The following ABHD16A variants were observed in gnomAD, a reference collection of about 807,000 sequenced individuals.
ABHD16A encodes the protein phosphatidylserine lipase ABHD16A.
Under a neutral mutation model 89.8 loss-of-function variants are expected in ABHD16A, and 47 were observed. The observed-to-expected ratio is 0.52, with a 90% CI of 0.41 to 0.67. The LOEUF (loss-of-function observed/expected upper bound fraction) is 0.67. ABHD16A is among the 30% of genes least tolerant of loss of function. The probability of loss-of-function intolerance (pLI) is 0.00; values close to 1 mark genes in which losing one functional copy is unlikely to be tolerated. For missense variants in ABHD16A, 580 were observed against 734.6 expected, an observed-to-expected ratio of 0.79 and a Z score of 2.43; for synonymous variants, 251 against 280.4, an observed-to-expected ratio of 0.90 and a Z score of 1.05.
chr6:31,687,509 C>T lies in ABHD16A; in HGVS notation c.1582G>A (p.Ala528Thr). The change falls in exon 19 of 20, where the codon GCT becomes ACT. Residue 528 changes from alanine (A) to threonine (T), a missense_variant. By Grantham distance (58) the Ala-to-Thr change is moderately conservative. Coordinates refer to ENST00000395952, the MANE Select transcript of ABHD16A (RefSeq NM_021160.3). The surrounding 1 kb of genome is among the most constrained non-coding windows in gnomAD (Gnocchi z 6.3). ...DMSADGRRQL[A>T]LFLARKHLHN... is the part of the protein sequence containing the mutation. ...ACTCCTTAGCTCACCAGAAACAAAG[C>T]CAGCTGCCGCCGTCCATCTGCACTC... The T allele has an allele frequency of 6.2e-7, 1 of 1,613,070 alleles. No individual in the cohort carries two copies. Among genetic ancestry groups the T allele is most frequent in the South Asian group, 1.1e-5 (1 of 91,076 alleles).
At position 31,689,654 on chromosome 6, in the gene ABHD16A, C is replaced by T; in HGVS notation, c.1008G>A (p.Gln336=). The change falls in exon 12 of 20, where the codon CAG becomes CAA. Residue 336 remains glutamine, a synonymous_variant. Transcript: ENST00000395952. ...GGAAGCCTAGGCGGTGGATGGCAAACTGGACCACCACATCCATGGCATTAG... is the reference window on the plus strand; with the variant it reads ...GGAAGCCTAGGCGGTGGATGGCAAATTGGACCACCACATCCATGGCATTAG... The part of the protein sequence containing the change: ...NEANAMDVVV[Q]FAIHRLGFQP... 6.2e-7 allele frequency: 1 copy of T among 1,612,652 alleles called. No individual in the cohort carries two copies. The highest frequency in any genetic ancestry group is 1.1e-5 in the South Asian group (1 of 91,014).
At chr6:31,703,053 C>A in intron 1 of ABHD16A, 97 bp downstream of exon 1, 1 of 1,370,876 alleles carries the variant, frequency 7.3e-7, no homozygotes, top group Non-Finnish European at 9.5e-7. Context: ...GACAAGCAGG[C>A]TCCCCTTATT....
At position 31,692,967 on chromosome 6, in the gene ABHD16A, AG is replaced by A. The variant is rs774887687; in HGVS notation, c.626+59del. The A allele has an allele frequency of 3.1e-6, 5 of 1,612,160 alleles. No homozygotes were observed. The African/African-American group carries it at 6.7e-5, about 22-fold the overall frequency. On this transcript the variant is annotated intron_variant, in intron 7 of 19. Transcript: ENST00000395952. ...ATTTTACAATGGAGCGCCCACTCCC[AG>A]AGCACTCCTGAAATGGCCCCTCCAC...
At position 31,703,243 on chromosome 6, in the gene ABHD16A, G is replaced by A; in HGVS notation, c.39C>T (p.Leu13=). 4 of 1,436,434 alleles carry A rather than the reference G, an allele frequency of 2.8e-6. No individual in the cohort carries two copies. The highest frequency in any genetic ancestry group is 3.7e-6 in the Non-Finnish European group (4 of 1,084,174). 89.0% of individuals were successfully genotyped at this position (1,436,434 alleles called of 1,614,324 possible). A position where few individuals can be genotyped will look rare whatever the true frequency, so the allele number is the denominator to read the frequency against. ...KLLSCVLGPR[L]YKIYRERDSE... is the part of the protein sequence containing the mutation. Reference sequence around the variant, plus strand: ...AGTCCCTCTCCCGGTAGATTTTGTAGAGCCGGGGGCCTAGGACGCAGCTCA... The same window carrying A: ...AGTCCCTCTCCCGGTAGATTTTGTAAAGCCGGGGGCCTAGGACGCAGCTCA... Residue 13 remains leucine (L), a synonymous_variant, in exon 1 of 20, where the codon CTC becomes CTT. Coordinates refer to ENST00000395952, the MANE Select transcript of ABHD16A (RefSeq NM_021160.3).
chr6:31,702,782 A>G (rs1458799237), intron 1 of ABHD16A: 1 of 1,466,452 alleles, frequency 6.8e-7, no homozygotes, highest in Non-Finnish European at 9.0e-7. Flanking sequence ...GAGGCACTGA[A>G]GAAGAGGAAA....
intron 1 of ABHD16A, 178 bp downstream of exon 1, chr6:31,702,972 G>A (rs1313221715): frequency 2.9e-5 from 39 of 1,334,928 alleles, no homozygotes; most frequent in Non-Finnish European, 3.6e-5. Flanking sequence ...AAAGAAAGGA[G>A]GCGGCCAGTC....
chr6:31,689,160 G>C, intron 12 of ABHD16A, 41 bp from the exon 13 acceptor site: 1 of 1,564,840 alleles, frequency 6.4e-7, no homozygotes, highest in Non-Finnish European at 8.7e-7. Context: ...ACTGAGAAAG[G>C]CTCCTTTCTC....
At position 31,688,362 on chromosome 6, in the gene ABHD16A, GC is replaced by G; in HGVS notation, c.1251-58del. The G allele has an allele frequency of 6.5e-7, 1 of 1,534,406 alleles. No homozygotes were observed. Among genetic ancestry groups the G allele is most frequent in the Non-Finnish European group, 9.0e-7 (1 of 1,108,268 alleles). On this transcript the variant is annotated intron_variant, in intron 14 of 19. Transcript: ENST00000395952. The surrounding 1 kb of genome is among the most constrained non-coding windows in gnomAD (Gnocchi z 4.9). ...CTCAGAGGGAGACGGGTGACAACTGGCCCACCCCTATCCCTGCACTGGTAGC... is the reference window on the plus strand; with the variant it reads ...CTCAGAGGGAGACGGGTGACAACTGGCCACCCCTATCCCTGCACTGGTAGC...
At chr6:31,699,289 G>T (rs1347672079) in intron 4 of ABHD16A, among the ~76,000 whole-genome samples, 2 of 151,466 alleles carry the variant, frequency 1.3e-5, no homozygotes, top group East Asian at 3.9e-4. Flanking sequence ...GGCGCCTGTA[G>T]TCCCAGCTAC....
chr6:31,689,719 G>A lies in ABHD16A; in HGVS notation c.958-15C>T, dbSNP rs1164388363. The A allele has an allele frequency of 6.2e-7, 1 of 1,603,618 alleles. No individual in the cohort carries two copies. Among genetic ancestry groups the A allele is most frequent in the Admixed American group, 1.7e-5 (1 of 59,134 alleles). On this transcript the variant is annotated splice_polypyrimidine_tract_variant and intron_variant, in intron 11 of 19. Coordinates refer to ENST00000395952, the MANE Select transcript of ABHD16A (RefSeq NM_021160.3). Reference sequence around the variant, plus strand: ...AATGGCACCCCCTGCAGGAGAAAGGGCAAAGTCAGGAGTGTGTCAGCACCA... The same window carrying A: ...AATGGCACCCCCTGCAGGAGAAAGGACAAAGTCAGGAGTGTGTCAGCACCA...
chr6:31,692,875 A>AT, intron 7 of ABHD16A, 152 bp downstream of exon 7: 1 of 1,051,510 alleles, frequency 9.5e-7, no homozygotes, highest in Non-Finnish European at 1.4e-6. Context: ...ATAAATATGG[A>AT]TAAAAATGAC....
At position 31,693,124 on chromosome 6, in the gene ABHD16A, G is replaced by A. The variant is rs755613611; in HGVS notation, c.529C>T (p.Arg177Cys). 1.5e-5 allele frequency: 24 copies of A among 1,613,780 alleles called. No individual in the cohort carries two copies. The highest frequency in any genetic ancestry group is 6.6e-5 in the South Asian group (6 of 91,052). Residue 177 changes from arginine (R) to cysteine (C), a missense_variant, in exon 7 of 20, where the codon CGC becomes TGC. Transcript: ENST00000395952. The surrounding 1 kb of genome is among the most constrained non-coding windows in gnomAD (Gnocchi z 5.0). Reference sequence around the variant, plus strand: ...GGGCGAAGCAGGGCCACACCCCGGCGGGAAGGGCCCCCTCGAGACTCCTTC... The same window carrying A: ...GGGCGAAGCAGGGCCACACCCCGGCAGGAAGGGCCCCCTCGAGACTCCTTC... ...SRKESRGGPS[R>C]RGVALLRPEP... is the part of the protein sequence containing the mutation.
Position 31,689,134 on chromosome 6 carries a change from G to C in ABHD16A, c.1082-15C>G, listed in dbSNP as rs759644353. ...TGCCCACGTGGCTGGTACCAGGGCA[G>C]GGAAGAAGAGTAAGAACTGAGAAAG... On this transcript the variant is annotated splice_polypyrimidine_tract_variant and intron_variant, in intron 12 of 19. Coordinates refer to ENST00000395952, the MANE Select transcript of ABHD16A (RefSeq NM_021160.3). 6.8e-6 allele frequency: 11 copies of C among 1,609,212 alleles called. No individual in the cohort carries two copies. The South Asian group carries it at 1.2e-4, about 18-fold the overall frequency.
intron 4 of ABHD16A, among the ~76,000 whole-genome samples, chr6:31,700,596 A>G (rs1225153986): frequency 6.6e-6 from 1 of 152,126 alleles, no homozygotes; most frequent in Non-Finnish European, 1.5e-5. Context: ...GGGTATATGC[A>G]TCTTTTCTAG....
intron 5 of ABHD16A, among the ~76,000 whole-genome samples, chr6:31,694,689 CCTAG>C (rs1804231662): frequency 6.6e-6 from 1 of 152,146 alleles, no homozygotes; most frequent in Non-Finnish European, 1.5e-5. Context: ...CCGCGCCCGG[CCTAG>C]CTGTGTCTTA....
At chr6:31,701,976 A>G in intron 2 of ABHD16A, 98 bp downstream of exon 2, 2 of 1,379,258 alleles carry the variant, frequency 1.5e-6, no homozygotes, top group Admixed American at 1.7e-5. Context: ...GCATCCCCCA[A>G]CCCCAGGGCA....
At position 31,690,248 on chromosome 6, in the gene ABHD16A, GA is replaced by G; in HGVS notation, c.908-122del. 1.0e-6 allele frequency: 1 copy of G among 958,840 alleles called. No individual in the cohort carries two copies. Among genetic ancestry groups the G allele is most frequent in the Non-Finnish European group, 1.5e-6 (1 of 650,610 alleles). 59.4% of individuals were successfully genotyped at this position (958,840 alleles called of 1,614,324 possible). On this transcript the variant is annotated intron_variant, in intron 10 of 19. Transcript: ENST00000395952. The surrounding 1 kb of genome is among the most constrained non-coding windows in gnomAD (Gnocchi z 4.1). The stretch of plus-strand genomic sequence containing the variant: ...ATGCAAATAACTCCAAGCCTTCCCA[GA>G]AATAGGAGATGACACCAGAGGTTCT...
Position 31,688,481 on chromosome 6 carries a change from G to A in ABHD16A, c.1251-176C>T, listed in dbSNP as rs1402320301. 3.8e-6 allele frequency: 3 copies of A among 796,512 alleles called. No homozygotes were observed. The highest frequency in any genetic ancestry group is 6.0e-6 in the Non-Finnish European group (3 of 500,978). The allele number at this position is 796,512 out of a possible 1,614,324, so 49.3% of individuals were successfully genotyped here. On this transcript the variant is annotated intron_variant, in intron 14 of 19. Transcript: ENST00000395952. This position sits in a 1 kb window ranked among gnomAD's most constrained non-coding sequence, Gnocchi z 4.9. ...TATTTAAGGGGCATGGTTCAGTCTG[G>A]CCCTGCTGGGAGACCCCTGCCGTGC...
chr6:31,693,575 C>A lies in ABHD16A; in HGVS notation c.430-143G>T, dbSNP rs1804115975. The A allele has an allele frequency of 4.1e-6, 3 of 736,748 alleles. No individual in the cohort carries two copies. In the South Asian group the frequency reaches 5.0e-5, roughly 12 times the overall value. The allele number at this position is 736,748 out of a possible 1,614,324, so 45.6% of individuals were successfully genotyped here. A position where few individuals can be genotyped will look rare whatever the true frequency, so the allele number is the denominator to read the frequency against. ...AGCGGAGGTCAATACCCTCCCAATT[C>A]TCAGATGGAAAATTCTAACAGGACC... On this transcript the variant is annotated intron_variant, in intron 5 of 19. Coordinates refer to ENST00000395952, the MANE Select transcript of ABHD16A (RefSeq NM_021160.3). This position sits in a 1 kb window ranked among gnomAD's most constrained non-coding sequence, Gnocchi z 5.0.
Sources: gnomAD v4.1 joint callset for allele counts (sites outside exome capture counted in the v4.1 genomes callset) on GRCh38, gnomAD v4.1.1 for gene constraint, Gnocchi (gnomAD v3.1) non-coding constraint, MANE v1.5 for transcripts, NCBI Gene and HGNC (gene_info 2026-07-23, HGNC 2026-07-21) for gene names.